MME: variants seen among roughly 807,000 people sequenced by gnomAD.
MME encodes the protein neprilysin.
MME carries 98 observed loss-of-function variants against 113.2 expected under a neutral mutation model. The observed-to-expected ratio is 0.87, with a 90% CI of 0.74 to 1.02. The LOEUF (loss-of-function observed/expected upper bound fraction) is 1.02, where lower values mean the gene tolerates loss of function less well. Ranked by LOEUF, MME falls within the 50% of genes least tolerant of loss-of-function variation. The pLI is 0.00. For missense variants in MME, 836 were observed against 896.0 expected, an observed-to-expected ratio of 0.93 and a Z score of 0.86; for synonymous variants, 292 against 300.6, an observed-to-expected ratio of 0.97 and a Z score of 0.30.
In MME at chr3:155,116,590, G is replaced by GTA. The variant is rs10522735; in HGVS notation, c.439+47_439+48dup. The GTA allele has an allele frequency of 0.011, 13,215 of 1,216,094 alleles. 110 individuals are homozygous for GTA. Among genetic ancestry groups the GTA allele is most frequent in the African/African-American group, 0.074 (4,923 of 66,556 alleles). 75.3% of individuals were successfully genotyped at this position (1,216,094 alleles called of 1,614,324 possible). On this transcript the variant is annotated intron_variant, in intron 5 of 22. Transcript: ENST00000360490. ...TGCTCTTCATTTGATTTCATTAGGA[G>GTA]TATATATATATATATATTGGTGCCA...
intron 8 of MME, among the ~76,000 whole-genome samples, chr3:155,137,737 T>A (rs909121944): frequency 2.0e-5 from 3 of 152,042 alleles, no homozygotes; most frequent in African/African-American, 7.2e-5. Context: ...AAAAAAGAAA[T>A]GTATTATTAT....
intron 1 of MME, among the ~76,000 whole-genome samples, chr3:155,028,686 C>T (rs1030916898): frequency 6.6e-5 from 10 of 152,138 alleles, no homozygotes; most frequent in Admixed American, 1.3e-4. Flanking sequence ...TAGGATCAAA[C>T]GTCAGGCTAA....
intron 17 of MME, among the ~76,000 whole-genome samples, chr3:155,165,127 T>C (rs2108359732): frequency 6.6e-6 from 1 of 152,190 alleles, no homozygotes; most frequent in Non-Finnish European, 1.5e-5. Flanking sequence ...TAGGTATTGA[T>C]ACTGAAGGGT....
chr3:155,165,693 A>G (rs1471396519), intron 17 of MME, among the ~76,000 whole-genome samples: 1 of 152,188 alleles, frequency 6.6e-6, no homozygotes, highest in African/African-American at 2.4e-5. Context: ...TCCTGAGACA[A>G]GGAATGAGAG....
intron 1 of MME, among the ~76,000 whole-genome samples, chr3:155,052,890 T>C (rs1380112651): frequency 6.6e-6 from 1 of 152,196 alleles, no homozygotes; most frequent in African/African-American, 2.4e-5. Flanking sequence ...TTCTGTTGAA[T>C]GCTTCGGTGC....
At chr3:155,063,898 G>A (rs1193569499) in intron 1 of MME, among the ~76,000 whole-genome samples, 1 of 151,454 alleles carries the variant, frequency 6.6e-6, no homozygotes, top group South Asian at 2.1e-4. Context: ...AACTCTCAAT[G>A]TGACTGTATT....
intron 3 of MME, among the ~76,000 whole-genome samples, chr3:155,109,684 T>TA (rs1205358549): frequency 3.3e-5 from 5 of 152,096 alleles, no homozygotes; most frequent in Admixed American, 2.0e-4. Flanking sequence ...TAGAAAACCT[T>TA]AAAAAAATGT....
chr3:155,113,316 G>C (rs566959823), intron 3 of MME, among the ~76,000 whole-genome samples: 11 of 152,304 alleles, frequency 7.2e-5, no homozygotes, highest in Non-Finnish European at 7.4e-5. Context: ...GTCTCTCTCT[G>C]TCACCCAGGC....
At position 155,115,031 on chromosome 3, in the gene MME, G is replaced by C. The variant is rs201425951; in HGVS notation, c.234G>C (p.Glu78Asp). Residue 78 changes from glutamate to aspartate, a missense_variant, in exon 4 of 23, where the codon GAG (glutamate) becomes GAC (aspartate). By Grantham distance (45) the Glu-to-Asp change is conservative. Transcript: ENST00000360490. ...TCCAAAACATGGATGCCACCACTGAGCCTTGTACAGACTTTTTCAAATATG... is the reference window on the plus strand; with the variant it reads ...TCCAAAACATGGATGCCACCACTGACCCTTGTACAGACTTTTTCAAATATG... ...RLIQNMDATT[E>D]PCTDFFKYAC... 3.1e-6 allele frequency: 5 copies of C among 1,614,056 alleles called. No individual in the cohort carries two copies. Among genetic ancestry groups the C allele is most frequent in the Non-Finnish European group, 4.2e-6 (5 of 1,179,994 alleles).
At chr3:155,098,245 A>C (rs1716902792) in intron 3 of MME, among the ~76,000 whole-genome samples, 1 of 152,086 alleles carries the variant, frequency 6.6e-6, no homozygotes, top group Admixed American at 6.6e-5. Context: ...AAGATATAAA[A>C]GAAAAGTAAA....
At chr3:155,038,799 A>G (rs1713213803) in intron 1 of MME, among the ~76,000 whole-genome samples, 1 of 152,064 alleles carries the variant, frequency 6.6e-6, no homozygotes, top group African/African-American at 2.4e-5. Flanking sequence ...TAAGTTGACA[A>G]CTTTCCCCTT....
chr3:155,047,353 G>A (rs1485593724), intron 1 of MME, among the ~76,000 whole-genome samples: 5 of 152,116 alleles, frequency 3.3e-5, no homozygotes, highest in African/African-American at 1.2e-4. Context: ...GGAGCAACAG[G>A]CTATCCTATA....
At chr3:155,067,661 A>C (rs948458355) in intron 1 of MME, among the ~76,000 whole-genome samples, 2 of 152,100 alleles carry the variant, frequency 1.3e-5, no homozygotes, top group African/African-American at 4.8e-5. Flanking sequence ...AGATATATGG[A>C]TAACAAATAG....
intron 20 of MME, among the ~76,000 whole-genome samples, chr3:155,170,330 C>T (rs1006193255): frequency 1.3e-5 from 2 of 152,180 alleles, no homozygotes; most frequent in African/African-American, 4.8e-5. Flanking sequence ...CAGGTGTGAG[C>T]CACTGTGCCT....
intron 16 of MME, among the ~76,000 whole-genome samples, chr3:155,149,293 C>T (rs1200307242): frequency 1.3e-5 from 2 of 152,124 alleles, no homozygotes; most frequent in Non-Finnish European, 2.9e-5. Flanking sequence ...ATTCCTAGAA[C>T]CACTTATGTT....
In MME at chr3:155,042,900, TTATATATATA is replaced by T. The variant is rs1159626877; in HGVS notation, c.-11+18606_-11+18615del. ...TTAGAAAAATTACCAATAGTAGGTTTTATATATATATATATATATATATATATATATATAT... is the reference window on the plus strand; with the variant it reads ...TTAGAAAAATTACCAATAGTAGGTTTTATATATATATATATATATATATAT... On this transcript the variant is annotated intron_variant, in intron 1 of 22. Transcript: ENST00000492661. Among the ~76,000 whole-genome samples the T allele has an allele frequency of 3.0e-4, 19 of 62,954 alleles. 1 individual carries two copies. The highest frequency in any genetic ancestry group is 1.1e-3 in the African/African-American group (19 of 17,780). The allele number at this position is 62,954 out of a possible 152,430, so 41.3% of individuals were successfully genotyped here.
intron 3 of MME, among the ~76,000 whole-genome samples, chr3:155,104,472 A>G (rs970582610): frequency 2.0e-5 from 3 of 152,234 alleles, no homozygotes; most frequent in African/African-American, 7.2e-5. Flanking sequence ...TTTAGGCAGC[A>G]TTCGAGAAGC....
At chr3:155,051,897 C>T (rs1010810312) in intron 1 of MME, among the ~76,000 whole-genome samples, 20 of 152,152 alleles carry the variant, frequency 1.3e-4, no homozygotes, top group Admixed American at 1.1e-3. Flanking sequence ...TCCCTTCCGC[C>T]TATGAGCCAG....
chr3:155,067,739 C>CA (rs1317821372), intron 1 of MME, among the ~76,000 whole-genome samples: 1 of 152,154 alleles, frequency 6.6e-6, no homozygotes, highest in Non-Finnish European at 1.5e-5. Flanking sequence ...AATACACCAT[C>CA]ATACACCAAT....
Sources: gnomAD v4.1 joint callset for allele counts (sites outside exome capture counted in the v4.1 genomes callset) on GRCh38, gnomAD v4.1.1 for gene constraint, MANE v1.5 for transcripts, NCBI Gene and HGNC (gene_info 2026-07-23, HGNC 2026-07-21) for gene names.